The following RASSF3 variants were observed in gnomAD, a reference collection of about 807,000 sequenced individuals.
RASSF3 encodes Ras association domain family member 3.
Under a neutral mutation model 19.9 loss-of-function variants are expected in RASSF3, and 19 were observed. The observed-to-expected ratio is 0.96, with a 90% CI of 0.67 to 1.40. The LOEUF (loss-of-function observed/expected upper bound fraction) is 1.40. Among genes scored for constraint, RASSF3 ranks in the 40% most tolerant of loss-of-function variants. RASSF3 has a pLI of 0.00. For synonymous variants in RASSF3, 110 were observed against 104.2 expected, an observed-to-expected ratio of 1.06 and a Z score of -0.34; for missense variants, 306 against 289.8, an observed-to-expected ratio of 1.06 and a Z score of -0.41.
In RASSF3 at chr12:64,697,247, A is replaced by C. The variant is rs1210266948; in HGVS notation, c.*2335A>C. The C allele has an allele frequency of 6.6e-6, 1 of 152,136 alleles. No homozygotes were observed. Among genetic ancestry groups the C allele is most frequent in the Non-Finnish European group, 1.5e-5 (1 of 68,018 alleles). The allele number at this position is 152,136 out of a possible 1,614,324, so 9.4% of individuals were successfully genotyped here. A position where few individuals can be genotyped will look rare whatever the true frequency, so the allele number is the denominator to read the frequency against. On this transcript the variant is annotated 3_prime_UTR_variant, in exon 5 of 5. Transcript: ENST00000542104. ...TCCTTTCCCAAACACTGGTTACTGC[A>C]GCAGCATTTTTAATGTGTAAGTGAA...
chr12:64,557,695 A>G (rs114663979), intron 2 of RASSF3, among the ~76,000 whole-genome samples: 1,683 of 152,162 alleles, frequency 0.011, 29 homozygotes, highest in African/African-American at 0.038. Context: ...CACCACAGAG[A>G]CATCTCTGAT....
intron 1 of RASSF3, among the ~76,000 whole-genome samples, chr12:64,612,321 G>A (rs751888075): frequency 3.3e-5 from 5 of 152,086 alleles, no homozygotes; most frequent in Non-Finnish European, 7.4e-5. Flanking sequence ...TTCCAGAGGT[G>A]TCTGCTAATC....
At chr12:64,626,282 C>T (rs555301827) in intron 1 of RASSF3, among the ~76,000 whole-genome samples, 194 of 152,064 alleles carry the variant, frequency 1.3e-3, no homozygotes, top group African/African-American at 4.5e-3. Flanking sequence ...CGCCTGTAAT[C>T]CCAACACTTT....
At chr12:64,580,089 A>T (rs1869666390) in intron 2 of RASSF3, among the ~76,000 whole-genome samples, 1 of 152,132 alleles carries the variant, frequency 6.6e-6, no homozygotes, top group Non-Finnish European at 1.5e-5. Context: ...TGCTGGGATT[A>T]TAGGCATGAG....
chr12:64,620,998 C>T (rs1304927880), intron 1 of RASSF3, among the ~76,000 whole-genome samples: 3 of 152,060 alleles, frequency 2.0e-5, no homozygotes, highest in South Asian at 2.1e-4. Flanking sequence ...TGTAATGGCG[C>T]GATCTTGGCT....
chr12:64,548,678 C>T (rs10878193), intron 2 of RASSF3, among the ~76,000 whole-genome samples: 50,920 of 152,040 alleles, frequency 0.33, 10,519 homozygotes, highest in East Asian at 0.66. Flanking sequence ...AACTTCATAC[C>T]AGTTTATACC....
intron 2 of RASSF3, among the ~76,000 whole-genome samples, chr12:64,552,526 G>A (rs73124191): frequency 0.082 from 12,399 of 151,984 alleles, 638 homozygotes; most frequent in Middle Eastern, 0.21. Context: ...TCTCCCTCCC[G>A]CTACCCCACC....
At chr12:64,508,819 G>A (rs963847704) in intron 1 of RASSF3, among the ~76,000 whole-genome samples, 1 of 151,878 alleles carries the variant, frequency 6.6e-6, no homozygotes, top group African/African-American at 2.4e-5. Context: ...CCAGGAGGTG[G>A]AGGTTGCGGT....
At chr12:64,686,215 AACAGAT>A (rs1873346140) in intron 2 of RASSF3, among the ~76,000 whole-genome samples, 1 of 152,082 alleles carries the variant, frequency 6.6e-6, no homozygotes, top group Non-Finnish European at 1.5e-5. Flanking sequence ...TAGAGACTAA[AACAGAT>A]ACAAATTATC....
At chr12:64,692,220 GCTCCTGTCCCAGT>G (rs1424897333) in intron 4 of RASSF3, among the ~76,000 whole-genome samples, 1 of 152,078 alleles carries the variant, frequency 6.6e-6, no homozygotes, top group Non-Finnish European at 1.5e-5. Context: ...CAAATCCCAA[GCTCCTGTCCCAGT>G]CTTCTGTCTG....
intron 1 of RASSF3, among the ~76,000 whole-genome samples, chr12:64,516,998 C>CAAAGAA (rs1868378716): frequency 1.9e-5 from 1 of 51,968 alleles, no homozygotes; most frequent in Non-Finnish European, 3.8e-5. Flanking sequence ...AAATCTGTCT[C>CAAAGAA]AAAAAAAAAA....
At position 64,673,058 on chromosome 12, in the gene RASSF3, T is replaced by G. The variant is rs543996827; in HGVS notation, c.112-11729T>G. ...CTCCAAATGAGCCTGTTCATTTCCT[T>G]TCTCCGGAAACTGTCCTTATCACTG... is the stretch of plus-strand genomic sequence containing the variant. On this transcript the variant is annotated intron_variant, in intron 1 of 4. Transcript: ENST00000542104. 3.9e-5 allele frequency among the ~76,000 whole-genome samples: 6 copies of G among 152,324 alleles called. No homozygotes were observed. In the East Asian group the frequency reaches 1.2e-3, roughly 29 times the overall value.
chr12:64,518,453 A>G (rs1432159179), intron 1 of RASSF3, among the ~76,000 whole-genome samples: 1 of 152,222 alleles, frequency 6.6e-6, no homozygotes, highest in Non-Finnish European at 1.5e-5. Context: ...AGGGAGCAAG[A>G]AAGACAGAAG....
chr12:64,675,045 G>GCCC (rs1226885486), intron 1 of RASSF3, among the ~76,000 whole-genome samples: 29 of 57,504 alleles, frequency 5.0e-4, no homozygotes, highest in Admixed American at 1.7e-3. Flanking sequence ...TACCCACCTA[G>GCCC]CCCCCCCCCC....
At chr12:64,519,457 G>T (rs9668978) in intron 1 of RASSF3, among the ~76,000 whole-genome samples, 38,568 of 151,828 alleles carry the variant, frequency 0.25, 5,875 homozygotes, top group Middle Eastern at 0.37. Flanking sequence ...CAGATCAGAG[G>T]TTGCCTGGAC....
intron 1 of RASSF3, among the ~76,000 whole-genome samples, chr12:64,644,309 G>A (rs1489541965): frequency 2.6e-5 from 4 of 152,164 alleles, no homozygotes; most frequent in African/African-American, 9.7e-5. Flanking sequence ...GGCCTAGAGC[G>A]TAGCTTGAAT....
intron 2 of RASSF3, among the ~76,000 whole-genome samples, chr12:64,578,199 G>A (rs1221353854): frequency 6.6e-6 from 1 of 152,090 alleles, no homozygotes; most frequent in African/African-American, 2.4e-5. Flanking sequence ...CTCCAGCCTG[G>A]GCAACAGAGT....
intron 1 of RASSF3, among the ~76,000 whole-genome samples, chr12:64,525,987 T>C (rs1182693573): frequency 6.6e-6 from 1 of 152,222 alleles, no homozygotes; most frequent in African/African-American, 2.4e-5. Context: ...AGTGAGCTCA[T>C]CTCCCAAATA....
intron 1 of RASSF3, among the ~76,000 whole-genome samples, chr12:64,512,511 A>G (rs147011302): frequency 8.7e-4 from 133 of 152,236 alleles, no homozygotes; most frequent in African/African-American, 3.1e-3. Context: ...ATAAGAAACT[A>G]TCACTGTAAA....
Sources: allele counts gnomAD v4.1 joint callset (sites outside exome capture counted in the v4.1 genomes callset), GRCh38; gene constraint gnomAD v4.1.1; transcripts MANE v1.5; gene names NCBI Gene and HGNC (gene_info 2026-07-23, HGNC 2026-07-21).